CYRIB: variants seen among roughly 807,000 people sequenced by gnomAD.
The protein encoded by CYRIB is CYFIP-related Rac1 interactor B.
A neutral mutation model predicts 44.2 loss-of-function variants in CYRIB; 8 were observed. That is an observed-to-expected ratio of 0.18 (90% CI 0.11 to 0.33). The LOEUF (loss-of-function observed/expected upper bound fraction) is 0.33. Among genes scored for constraint, CYRIB ranks in the 10% least tolerant of loss-of-function variants. The probability of loss-of-function intolerance (pLI) is 1.00; values close to 1 mark genes in which losing one functional copy is unlikely to be tolerated. For synonymous variants in CYRIB, 131 were observed against 127.2 expected (o/e 1.03, Z -0.20); for missense variants, 185 against 382.8 (o/e 0.48, Z 4.31).
chr8:129,843,117 C>T (rs920233439), intron 11 of CYRIB, among the ~76,000 whole-genome samples: 4 of 152,096 alleles, frequency 2.6e-5, no homozygotes, highest in Non-Finnish European at 4.4e-5. Flanking sequence ...ACCTAGCAGA[C>T]GGAGAAAGAT....
intron 1 of CYRIB, among the ~76,000 whole-genome samples, chr8:130,006,714 G>A (rs2134203290): frequency 7.3e-6 from 1 of 137,714 alleles, no homozygotes; most frequent in African/African-American, 2.8e-5. Context: ...TCCCACCCAG[G>A]AAGTGTAAGC....
At chr8:129,858,751 T>G (rs1357491730) in intron 5 of CYRIB, among the ~76,000 whole-genome samples, 1 of 152,132 alleles carries the variant, frequency 6.6e-6, no homozygotes, top group Non-Finnish European at 1.5e-5. Context: ...CAGTCCCTAA[T>G]GTAAGCCCCT....
chr8:130,007,423 T>C (rs1194512910), intron 1 of CYRIB, among the ~76,000 whole-genome samples: 2 of 152,246 alleles, frequency 1.3e-5, no homozygotes, highest in Non-Finnish European at 2.9e-5. Context: ...AGTTTCCTCA[T>C]CTGTAAAACG....
chr8:129,862,062 G>T (rs1412411556), intron 5 of CYRIB, among the ~76,000 whole-genome samples, 167 bp downstream of exon 7: 1 of 152,152 alleles, frequency 6.6e-6, no homozygotes, highest in African/African-American at 2.4e-5. Flanking sequence ...AAAGGCCAGG[G>T]TTGAAAGAAG....
At chr8:129,866,817 CTCTTA>C (rs1288043431) in intron 4 of CYRIB, among the ~76,000 whole-genome samples, 1 of 152,190 alleles carries the variant, frequency 6.6e-6, no homozygotes, top group Admixed American at 6.5e-5. Context: ...ACTGGCTGCT[CTCTTA>C]TAATAAACAT....
intron 1 of CYRIB, among the ~76,000 whole-genome samples, chr8:130,010,083 T>C (rs937478278): frequency 1.3e-5 from 2 of 152,194 alleles, no homozygotes; most frequent in African/African-American, 2.4e-5. Flanking sequence ...CCCACCTTCT[T>C]ATCAAAGGAT....
At chr8:129,996,462 G>T (rs147380224) in intron 1 of CYRIB, among the ~76,000 whole-genome samples, 1 of 152,208 alleles carries the variant, frequency 6.6e-6, no homozygotes, top group Non-Finnish European at 1.5e-5. Flanking sequence ...ATGTCCTGAG[G>T]AAGTGCCAGT....
intron 1 of CYRIB, chr8:130,004,443 C>A (rs1048713787): frequency 6.6e-6 from 1 of 151,976 alleles, no homozygotes; most frequent in Non-Finnish European, 1.5e-5. Flanking sequence ...ACTCAAAGGG[C>A]CAAATGCTTT....
intron 1 of CYRIB, among the ~76,000 whole-genome samples, chr8:129,926,662 C>T (rs1321942388): frequency 2.0e-5 from 3 of 152,208 alleles, no homozygotes; most frequent in Non-Finnish European, 4.4e-5. Flanking sequence ...CTTGTAACCC[C>T]TCAATGAAGC....
At chr8:129,982,970 A>G (rs1329440783) in intron 1 of CYRIB, among the ~76,000 whole-genome samples, 1 of 151,430 alleles carries the variant, frequency 6.6e-6, no homozygotes, top group Non-Finnish European at 1.5e-5. Flanking sequence ...AAATATGTGC[A>G]ATTTTTTTCA....
In CYRIB at chr8:129,884,238, G is replaced by A. The variant is rs116220834; in HGVS notation, c.-10-4767C>T. ...TCTGCCATCTAAAGGAGACTAGTAA[G>A]ATTTCTAAGTTTCGGATGAATAAAT... On this transcript the variant is annotated intron_variant, in intron 2 of 11. Coordinates refer to ENST00000519824, the Ensembl canonical transcript of CYRIB. Among the ~76,000 whole-genome samples the A allele has an allele frequency of 9.0e-3, 1,372 of 152,218 alleles. 18 individuals are homozygous for A. The highest frequency in any genetic ancestry group is 0.031 in the African/African-American group (1,307 of 41,514).
At chr8:129,847,024 C>G (rs116180331) in intron 10 of CYRIB, 150 bp from the exon 13 acceptor site, 80 of 530,696 alleles carry the variant, frequency 1.5e-4, no homozygotes, top group African/African-American at 1.5e-3. Context: ...CAGAAAAAAA[C>G]CCAACCTAAG....
intron 11 of CYRIB, among the ~76,000 whole-genome samples, chr8:129,846,049 T>C: frequency 6.6e-6 from 1 of 152,084 alleles, no homozygotes; most frequent in Non-Finnish European, 1.5e-5. Flanking sequence ...GGAGAAGCAC[T>C]TGAACCTGGG....
chr8:129,853,901 G>A (rs1055960521), intron 7 of CYRIB, among the ~76,000 whole-genome samples: 8 of 152,114 alleles, frequency 5.3e-5, no homozygotes, highest in Admixed American at 1.3e-4. Context: ...ATTAACCCAC[G>A]TCAATTTCTC....
At chr8:129,896,601 GC>G (rs33980983) in intron 2 of CYRIB, 117,667 of 152,124 alleles carry the variant, frequency 0.77, 46,263 homozygotes, top group African/African-American at 0.92. Context: ...TTAGTTTTCT[GC>G]TTTTTGCACA....
chr8:129,969,737 G>A (rs1465116282), intron 2 of CYRIB, among the ~76,000 whole-genome samples: 1 of 152,162 alleles, frequency 6.6e-6, no homozygotes, highest in Non-Finnish European at 1.5e-5. Context: ...GCCATGTTGT[G>A]TGATAATTAA....
intron 1 of CYRIB, among the ~76,000 whole-genome samples, chr8:129,918,266 T>C (rs910991585): frequency 3.9e-5 from 6 of 152,184 alleles, no homozygotes; most frequent in Non-Finnish European, 7.3e-5. Context: ...AAACTTTACA[T>C]AGAAAAGTGA....
chr8:130,007,852 C>T (rs1005512465), intron 1 of CYRIB, among the ~76,000 whole-genome samples: 2 of 151,754 alleles, frequency 1.3e-5, no homozygotes, highest in African/African-American at 4.9e-5. Flanking sequence ...GTTAATATTG[C>T]CATAAAGGAG....
In CYRIB at chr8:129,926,023, C is replaced by CAA. The variant is rs567552383; in HGVS notation, c.-50+13584_-50+13585insTT. Among the ~76,000 whole-genome samples the CAA allele has an allele frequency of 4.6e-4, 70 of 152,356 alleles. No homozygotes were observed. In the South Asian group the frequency reaches 0.01, roughly 22 times the overall value. On this transcript the variant is annotated intron_variant, in intron 1 of 11. Transcript: ENST00000519824. The stretch of plus-strand genomic sequence containing the variant: ...ACAGATGGATACATATTAGAAGTCA[C>CAA]GATCCATTTTCTGGCTCTCTTTTGA...
Sources: gnomAD v4.1 joint callset for allele counts (sites outside exome capture counted in the v4.1 genomes callset) on GRCh38, gnomAD v4.1.1 for gene constraint, MANE v1.5 for transcripts, NCBI Gene and HGNC (gene_info 2026-07-23, HGNC 2026-07-21) for gene names.